The following MXI1 variants were observed in gnomAD, a reference collection of about 807,000 sequenced individuals.
The protein encoded by MXI1 is max-interacting protein 1.
Under a neutral mutation model 36.9 loss-of-function variants are expected in MXI1, and 18 were observed. The observed-to-expected ratio is 0.49, with a 90% CI of 0.34 to 0.72. The LOEUF (loss-of-function observed/expected upper bound fraction) is 0.72, where lower values mean the gene tolerates loss of function less well. MXI1 is among the 30% of genes least tolerant of loss of function. The pLI is 0.01. For synonymous variants in MXI1, 160 were observed against 146.7 expected (o/e 1.09, Z -0.65); for missense variants, 304 against 379.1 (o/e 0.80, Z 1.64).
At chr10:110,259,198 G>T (rs1169141279) in intron 3 of MXI1, among the ~76,000 whole-genome samples, 2 of 152,024 alleles carry the variant, frequency 1.3e-5, no homozygotes, top group African/African-American at 2.4e-5. Context: ...GCTGTAACTT[G>T]TTTAAGAAAA....
intron 3 of MXI1, 151 bp downstream of exon 3, chr10:110,245,008 C>CA: frequency 1.4e-6 from 1 of 710,642 alleles, no homozygotes; most frequent in Non-Finnish European, 2.2e-6. Flanking sequence ...GTATTTTCTC[C>CA]AAAAAATGAT....
chr10:110,264,974 G>GT (rs1449027803), intron 3 of MXI1, among the ~76,000 whole-genome samples: 3 of 151,800 alleles, frequency 2.0e-5, no homozygotes, highest in Non-Finnish European at 4.4e-5. Context: ...ATGGAGAAAT[G>GT]TTTTCTAGAA....
At chr10:110,280,905 G>A (rs1476324941) in intron 5 of MXI1, among the ~76,000 whole-genome samples, 1 of 152,162 alleles carries the variant, frequency 6.6e-6, no homozygotes, top group Non-Finnish European at 1.5e-5. Flanking sequence ...TTTACTGATT[G>A]TTCTTCCCAA....
intron 1 of MXI1, among the ~76,000 whole-genome samples, chr10:110,210,554 C>T (rs1214743016): frequency 2.6e-5 from 4 of 152,082 alleles, no homozygotes; most frequent in Admixed American, 6.5e-5. Context: ...GGGTGACCTC[C>T]GGCAAACTCC....
chr10:110,253,894 T>A (rs1341899995), intron 3 of MXI1, among the ~76,000 whole-genome samples: 1 of 152,084 alleles, frequency 6.6e-6, no homozygotes, highest in African/African-American at 2.4e-5. Flanking sequence ...TTATGGCACT[T>A]GTAATGGTGA....
In MXI1 at chr10:110,265,750, G is replaced by A. The variant is rs144122692; in HGVS notation, c.438-13430G>A. Among the ~76,000 whole-genome samples the A allele has an allele frequency of 2.6e-5, 4 of 152,300 alleles. No individual in the cohort carries two copies. In the East Asian group the frequency reaches 7.7e-4, roughly 29 times the overall value. On this transcript the variant is annotated intron_variant, in intron 3 of 5. Transcript: ENST00000332674. The stretch of plus-strand genomic sequence containing the variant: ...TGTATGTGTTTGAGATGGGAGTTGA[G>A]GTAAACTCATAGCAGGGGGTTATCA...
chr10:110,222,724 A>G (rs1016924387), intron 1 of MXI1, among the ~76,000 whole-genome samples: 3 of 152,182 alleles, frequency 2.0e-5, no homozygotes, highest in African/African-American at 4.8e-5. Context: ...CTGTTTCCCC[A>G]TCTGCATTTG....
chr10:110,267,949 T>C (rs1033236611), intron 3 of MXI1, among the ~76,000 whole-genome samples: 1 of 152,232 alleles, frequency 6.6e-6, no homozygotes, highest in Non-Finnish European at 1.5e-5. Context: ...TAACAGTTGT[T>C]GGTGATCCTG....
chr10:110,261,297 G>A (rs540143468), intron 3 of MXI1, among the ~76,000 whole-genome samples: 29 of 151,930 alleles, frequency 1.9e-4, no homozygotes, highest in Non-Finnish European at 3.5e-4. Flanking sequence ...GTTGCTAAGC[G>A]TTGGAAATGA....
At chr10:110,260,197 A>G (rs1856460410) in intron 3 of MXI1, among the ~76,000 whole-genome samples, 1 of 151,988 alleles carries the variant, frequency 6.6e-6, no homozygotes, top group Non-Finnish European at 1.5e-5. Flanking sequence ...TTTTCCTTTC[A>G]TCTCTACTAC....
chr10:110,261,296 C>T (rs1259534158), intron 3 of MXI1, among the ~76,000 whole-genome samples: 2 of 151,882 alleles, frequency 1.3e-5, no homozygotes, highest in East Asian at 1.9e-4. Flanking sequence ...AGTTGCTAAG[C>T]GTTGGAAATG....
At chr10:110,208,163 G>C in intron 1 of MXI1, 81 bp downstream of exon 1, 2 of 1,441,148 alleles carry the variant, frequency 1.4e-6, no homozygotes, top group Non-Finnish European at 1.9e-6. Flanking sequence ...TTGCGAGCTC[G>C]GCCCGTCCCC....
intron 3 of MXI1, among the ~76,000 whole-genome samples, chr10:110,261,358 C>A (rs889869624): frequency 2.0e-5 from 3 of 151,762 alleles, no homozygotes; most frequent in African/African-American, 7.3e-5. Flanking sequence ...TTAATTGCAG[C>A]CTTCTATGGA....
At chr10:110,228,010 G>T (rs1303866627) in intron 1 of MXI1, 179 bp from the exon 2 acceptor site, 7 of 630,010 alleles carry the variant, frequency 1.1e-5, no homozygotes, top group Non-Finnish European at 1.6e-5. Flanking sequence ...CAGCTGGTGG[G>T]GTGTCACAGG....
intron 2 of MXI1, among the ~76,000 whole-genome samples, chr10:110,231,624 G>T (rs1397121496): frequency 6.6e-6 from 1 of 152,076 alleles, no homozygotes; most frequent in East Asian, 1.9e-4. Flanking sequence ...ATTTTACTGT[G>T]GTCTTGGTCA....
At chr10:110,261,467 G>A (rs1856510374) in intron 3 of MXI1, among the ~76,000 whole-genome samples, 2 of 150,750 alleles carry the variant, frequency 1.3e-5, no homozygotes, top group African/African-American at 4.9e-5. Flanking sequence ...GAGAGTGTGA[G>A]GCAAAAGCCA....
chr10:110,270,458 G>A (rs1230289488), intron 3 of MXI1, among the ~76,000 whole-genome samples: 2 of 150,264 alleles, frequency 1.3e-5, no homozygotes, highest in Non-Finnish European at 3.0e-5. Context: ...TTTTTCAAAT[G>A]AGGCTGTCAA....
At chr10:110,277,855 C>T (rs1439952674) in intron 3 of MXI1, among the ~76,000 whole-genome samples, 1 of 152,226 alleles carries the variant, frequency 6.6e-6, no homozygotes, top group Non-Finnish European at 1.5e-5. Flanking sequence ...TAATTGGCTG[C>T]TTATTGCCTT....
At chr10:110,249,036 GC>G (rs1212219404) in intron 3 of MXI1, among the ~76,000 whole-genome samples, 1 of 151,956 alleles carries the variant, frequency 6.6e-6, no homozygotes, top group Non-Finnish European at 1.5e-5. Context: ...ACATTTTAAG[GC>G]CCCCATCCAG....
Sources: allele counts gnomAD v4.1 joint callset (sites outside exome capture counted in the v4.1 genomes callset), GRCh38; gene constraint gnomAD v4.1.1; transcripts MANE v1.5; gene names NCBI Gene and HGNC (gene_info 2026-07-23, HGNC 2026-07-21).